DTNB: variants seen among roughly 807,000 people sequenced by gnomAD.
The protein encoded by DTNB is DTN-B.
In DTNB, 63 loss-of-function variants were observed where a neutral mutation model predicts 90.7. The observed-to-expected ratio is 0.69, with a 90% CI of 0.57 to 0.86. DTNB has a LOEUF of 0.86. Among genes scored for constraint, DTNB ranks in the 40% least tolerant of loss-of-function variants. The pLI, the probability that DTNB is intolerant of heterozygous loss-of-function variation, is 0.00. For synonymous variants in DTNB, 277 were observed against 286.7 expected, an observed-to-expected ratio of 0.97 and a Z score of 0.34; for missense variants, 744 against 807.1, an observed-to-expected ratio of 0.92 and a Z score of 0.95.
intron 4 of DTNB, among the ~76,000 whole-genome samples, chr2:25,623,203 T>C (rs2073216635): frequency 6.6e-6 from 1 of 152,162 alleles, no homozygotes; most frequent in African/African-American, 2.4e-5. Flanking sequence ...AAAGAAAAGA[T>C]GGGGAAAGTT....
At chr2:25,485,554 G>A (rs1558722089) in intron 9 of DTNB, among the ~76,000 whole-genome samples, 1 of 152,118 alleles carries the variant, frequency 6.6e-6, no homozygotes, top group Non-Finnish European at 1.5e-5. Flanking sequence ...AAACCAGACA[G>A]TAATGGCTAT....
At chr2:25,474,540 C>A (rs958518785) in intron 10 of DTNB, among the ~76,000 whole-genome samples, 2 of 151,992 alleles carry the variant, frequency 1.3e-5, no homozygotes, top group African/African-American at 4.8e-5. Flanking sequence ...CTCTATTGTC[C>A]TTGGTCTTAA....
chr2:25,568,988 C>T (rs756968765), intron 8 of DTNB, among the ~76,000 whole-genome samples: 9 of 152,198 alleles, frequency 5.9e-5, no homozygotes, highest in Non-Finnish European at 1.2e-4. Context: ...GGGATGCTGT[C>T]TCTTAAGACA....
chr2:25,544,806 T>C (rs1182147866), intron 8 of DTNB, among the ~76,000 whole-genome samples: 1 of 152,248 alleles, frequency 6.6e-6, no homozygotes, highest in Non-Finnish European at 1.5e-5. Context: ...TACCTGGTGC[T>C]TAAAGTCATC....
At chr2:25,575,113 C>T (rs1239538316) in intron 8 of DTNB, among the ~76,000 whole-genome samples, 1 of 151,830 alleles carries the variant, frequency 6.6e-6, no homozygotes, top group Non-Finnish European at 1.5e-5. Flanking sequence ...AAGAAGTTCC[C>T]AATTCTCTTA....
At chr2:25,469,806 G>A (rs2062455870) in intron 10 of DTNB, among the ~76,000 whole-genome samples, 1 of 152,194 alleles carries the variant, frequency 6.6e-6, no homozygotes, top group East Asian at 1.9e-4. Flanking sequence ...GTTTTAAGCA[G>A]GGGACTGTCA....
At chr2:25,555,291 C>CAAAAAAAAAAAAAA in intron 8 of DTNB, among the ~76,000 whole-genome samples, 1 of 53,990 alleles carries the variant, frequency 1.9e-5, no homozygotes, top group Non-Finnish European at 3.9e-5. Context: ...ACTCCGTCTC[C>CAAAAAAAAAAAAAA]AAAAAAAAAA....
intron 9 of DTNB, among the ~76,000 whole-genome samples, chr2:25,509,728 T>G (rs1233725245): frequency 6.7e-6 from 1 of 150,324 alleles, no homozygotes; most frequent in Non-Finnish European, 1.5e-5. Context: ...TGTGTAGGTA[T>G]GAATTTTCTT....
At chr2:25,621,319 A>T (rs2148653856) in intron 4 of DTNB, among the ~76,000 whole-genome samples, 1 of 152,084 alleles carries the variant, frequency 6.6e-6, no homozygotes, top group South Asian at 2.1e-4. Flanking sequence ...TATGGAAGAC[A>T]TTTGCTTTTA....
chr2:25,512,723 C>G (rs1161471277), intron 9 of DTNB, among the ~76,000 whole-genome samples: 1 of 152,160 alleles, frequency 6.6e-6, no homozygotes, highest in East Asian at 1.9e-4. Flanking sequence ...TATAGAAAAC[C>G]TGTAAATCTG....
At chr2:25,568,932 C>T (rs2059431318) in intron 8 of DTNB, among the ~76,000 whole-genome samples, 1 of 152,254 alleles carries the variant, frequency 6.6e-6, no homozygotes, top group African/African-American at 2.4e-5. Flanking sequence ...AGGCCTGTGC[C>T]TCGGCCATGC....
chr2:25,439,366 G>T (rs1233847260), intron 12 of DTNB, among the ~76,000 whole-genome samples: 1 of 152,056 alleles, frequency 6.6e-6, no homozygotes. Flanking sequence ...AACCAGGCTT[G>T]GTGGCGCGTG....
chr2:25,481,638 A>T (rs1212405158), intron 10 of DTNB: 1 of 152,210 alleles, frequency 6.6e-6, no homozygotes, highest in Non-Finnish European at 1.5e-5. Flanking sequence ...GTAATGTGTT[A>T]TCAGGCCACT....
At chr2:25,623,776 A>G (rs1482704145) in intron 4 of DTNB, among the ~76,000 whole-genome samples, 1 of 152,238 alleles carries the variant, frequency 6.6e-6, no homozygotes, top group East Asian at 1.9e-4. Context: ...AATAGGAAAT[A>G]AAACATCATT....
intron 9 of DTNB, among the ~76,000 whole-genome samples, chr2:25,522,189 G>A (rs970823461): frequency 3.9e-5 from 6 of 152,192 alleles, no homozygotes; most frequent in Non-Finnish European, 7.3e-5. Context: ...GCTGATACGT[G>A]AATTGGCTTT....
intron 19 of DTNB, among the ~76,000 whole-genome samples, chr2:25,382,834 C>T (rs2038259649): frequency 6.6e-6 from 1 of 152,008 alleles, no homozygotes; most frequent in Non-Finnish European, 1.5e-5. Context: ...TGGCCTAAAT[C>T]TCTGCCGTTT....
At chr2:25,568,249 G>A (rs377706698) in intron 8 of DTNB, among the ~76,000 whole-genome samples, 51 of 152,140 alleles carry the variant, frequency 3.4e-4, no homozygotes, top group African/African-American at 1.2e-3. Context: ...GGTGATGGCC[G>A]CACAACAATG....
At chr2:25,558,744 T>A (rs968685071) in intron 8 of DTNB, among the ~76,000 whole-genome samples, 3 of 152,206 alleles carry the variant, frequency 2.0e-5, no homozygotes, top group African/African-American at 7.2e-5. Context: ...CACAGTAGAA[T>A]TGGGCAACGT....
chr2:25,586,327 A>G (rs1348597740), intron 6 of DTNB, among the ~76,000 whole-genome samples: 1 of 151,624 alleles, frequency 6.6e-6, no homozygotes, highest in Non-Finnish European at 1.5e-5. Flanking sequence ...CTTGGCCAAC[A>G]TGGTGAAACC....
Sources: gnomAD v4.1 joint callset for allele counts (sites outside exome capture counted in the v4.1 genomes callset) on GRCh38, gnomAD v4.1.1 for gene constraint, MANE v1.5 for transcripts, NCBI Gene and HGNC (gene_info 2026-07-23, HGNC 2026-07-21) for gene names.